The following TSHZ2 variants were observed in gnomAD, a reference collection of about 807,000 sequenced individuals.
The protein encoded by TSHZ2 is teashirt homolog 2.
In TSHZ2, 21 loss-of-function variants were observed where a neutral mutation model predicts 74.4. That is an observed-to-expected ratio of 0.28 (90% confidence interval 0.20 to 0.41). The LOEUF (loss-of-function observed/expected upper bound fraction) is 0.41. TSHZ2 is among the 10% of genes least tolerant of loss of function. The pLI is 1.00. For synonymous variants in TSHZ2, 540 were observed against 515.3 expected (o/e 1.05, Z -0.65); for missense variants, 1,244 against 1,293.5 (o/e 0.96, Z 0.59).
intron 1 of TSHZ2, among the ~76,000 whole-genome samples, chr20:53,119,511 G>C (rs1986754960): frequency 6.6e-6 from 1 of 152,192 alleles, no homozygotes; most frequent in Non-Finnish European, 1.5e-5. Flanking sequence ...ATGCTGCCCA[G>C]CATGGTAACG....
In TSHZ2 at chr20:53,371,284, A is replaced by G. The variant is rs1981460427; in HGVS notation, c.*8+114713A>G. Among the ~76,000 whole-genome samples, 4 of 152,080 alleles carry G rather than the reference A, an allele frequency of 2.6e-5. No homozygotes were observed. In the South Asian group the frequency reaches 8.3e-4, roughly 32 times the overall value. ...CTATTATAAATTATTCAGTATAGAG[A>G]CTCTGGCCTAGGAATCTGGGAACCA... On this transcript the variant is annotated intron_variant, in intron 2 of 2. Transcript: ENST00000371497.
chr20:53,429,496 GT>G (rs1328222158), intron 2 of TSHZ2, among the ~76,000 whole-genome samples: 4 of 152,220 alleles, frequency 2.6e-5, no homozygotes, highest in Non-Finnish European at 4.4e-5. Flanking sequence ...AAAAACGGGA[GT>G]TTCCCTGCAC....
At chr20:53,203,371 T>C (rs1989057120) in intron 1 of TSHZ2, among the ~76,000 whole-genome samples, 1 of 151,960 alleles carries the variant, frequency 6.6e-6, no homozygotes, top group Admixed American at 6.6e-5. Flanking sequence ...ATTTTTGTAT[T>C]TTTAGTAGAG....
At chr20:53,314,287 C>CAAAAAAAAAAAAAAAAAAAAAAAA (rs5841941) in intron 2 of TSHZ2, among the ~76,000 whole-genome samples, 4 of 131,708 alleles carry the variant, frequency 3.0e-5, no homozygotes, top group Non-Finnish European at 6.4e-5. Context: ...GACTCTGTCT[C>CAAAAAAAAAAAAAAAAAAAAAAAA]AAAAAAAAAA....
intron 1 of TSHZ2, among the ~76,000 whole-genome samples, chr20:53,157,288 G>A (rs1987818265): frequency 6.6e-6 from 1 of 151,890 alleles, no homozygotes; most frequent in African/African-American, 2.4e-5. Context: ...CCTTTTATCA[G>A]TGTCTCCAGT....
intron 1 of TSHZ2, among the ~76,000 whole-genome samples, chr20:53,014,931 A>T (rs1982981575): frequency 6.6e-6 from 1 of 151,936 alleles, no homozygotes; most frequent in South Asian, 2.1e-4. Context: ...ACTCCCAATA[A>T]CTTCCCAAAC....
chr20:53,299,496 TCTTTA>T (rs1326907886), intron 2 of TSHZ2, among the ~76,000 whole-genome samples: 1 of 152,258 alleles, frequency 6.6e-6, no homozygotes, highest in African/African-American at 2.4e-5. Flanking sequence ...ATAACTGCTC[TCTTTA>T]CTTATTTTGT....
chr20:53,269,841 G>A (rs954689341), intron 2 of TSHZ2, among the ~76,000 whole-genome samples: 4 of 151,530 alleles, frequency 2.6e-5, no homozygotes, highest in African/African-American at 9.7e-5. Context: ...TATTGACAGA[G>A]AACTAACATT....
intron 1 of TSHZ2, among the ~76,000 whole-genome samples, chr20:53,194,845 G>A (rs1271632786): frequency 1.3e-5 from 2 of 152,236 alleles, no homozygotes; most frequent in Non-Finnish European, 2.9e-5. Flanking sequence ...TGGATGTGAA[G>A]TGCTGAGTTT....
At chr20:53,251,811 C>T (rs1990337844) in intron 1 of TSHZ2, among the ~76,000 whole-genome samples, 1 of 152,222 alleles carries the variant, frequency 6.6e-6, no homozygotes, top group Admixed American at 6.5e-5. Context: ...TATTTAGTGA[C>T]ATTTCAATGA....
chr20:53,127,666 G>C (rs1292138885), intron 1 of TSHZ2, among the ~76,000 whole-genome samples: 1 of 152,178 alleles, frequency 6.6e-6, no homozygotes, highest in African/African-American at 2.4e-5. Context: ...GATTGACAGC[G>C]ACCCACATGT....
At chr20:53,190,122 TATA>T (rs1463311712) in intron 1 of TSHZ2, among the ~76,000 whole-genome samples, 2 of 94,674 alleles carry the variant, frequency 2.1e-5, no homozygotes, top group African/African-American at 8.1e-5. Flanking sequence ...TATATATATA[TATA>T]TATATATATA....
chr20:53,359,230 C>T (rs1277588932), intron 2 of TSHZ2, among the ~76,000 whole-genome samples: 5 of 152,130 alleles, frequency 3.3e-5, no homozygotes, highest in Non-Finnish European at 7.3e-5. Flanking sequence ...ACATCACAGA[C>T]CTTCATTCAT....
chr20:53,042,017 C>T, intron 1 of TSHZ2, among the ~76,000 whole-genome samples: 1 of 152,084 alleles, frequency 6.6e-6, no homozygotes, highest in East Asian at 1.9e-4. Flanking sequence ...AGGAAATAAG[C>T]CTCTCCTACA....
At chr20:53,228,226 G>A (rs1475940765) in intron 1 of TSHZ2, among the ~76,000 whole-genome samples, 1 of 151,914 alleles carries the variant, frequency 6.6e-6, no homozygotes, top group Non-Finnish European at 1.5e-5. Flanking sequence ...GCCTCTGGAA[G>A]TCGACCACAT....
chr20:53,253,527 A>G lies in TSHZ2; in HGVS notation c.69A>G (p.Glu23=). Residue 23 remains glutamate, a synonymous_variant, in exon 2 of 3, where the codon GAA becomes GAG. Coordinates refer to ENST00000371497, the MANE Select transcript of TSHZ2 (RefSeq NM_173485.6). Reference sequence around the variant, plus strand: ...ACGCCCAGGAGGAACAGCTGAAAGAAGAGGAGGAAATAAAAGAAGAGGAGG... The same window carrying G: ...ACGCCCAGGAGGAACAGCTGAAAGAGGAGGAGGAAATAAAAGAAGAGGAGG... ...AGYAQEEQLK[E]EEEIKEEEEE... is the part of the protein sequence containing the mutation. 6.2e-7 allele frequency: 1 copy of G among 1,612,446 alleles called. No homozygotes were observed. The highest frequency in any genetic ancestry group is 8.5e-7 in the Non-Finnish European group (1 of 1,179,090).
chr20:53,187,085 G>C (rs2123528762), intron 1 of TSHZ2, among the ~76,000 whole-genome samples: 1 of 152,046 alleles, frequency 6.6e-6, no homozygotes, highest in South Asian at 2.1e-4. Flanking sequence ...CCTTGGCCTG[G>C]GCCTTTTAGA....
intron 2 of TSHZ2, among the ~76,000 whole-genome samples, chr20:53,321,854 C>T (rs570912209): frequency 6.6e-6 from 1 of 151,918 alleles, no homozygotes; most frequent in East Asian, 1.9e-4. Flanking sequence ...GATGCCTGAT[C>T]TCATGTGGTC....
chr20:53,007,593 AAAG>A (rs1404822666), intron 1 of TSHZ2, among the ~76,000 whole-genome samples: 2 of 152,048 alleles, frequency 1.3e-5, no homozygotes, highest in African/African-American at 4.8e-5. Context: ...GTCATCCAAG[AAAG>A]AAATGTGTGT....
Sources: gnomAD v4.1 joint callset for allele counts (sites outside exome capture counted in the v4.1 genomes callset) on GRCh38, gnomAD v4.1.1 for gene constraint, MANE v1.5 for transcripts, NCBI Gene and HGNC (gene_info 2026-07-23, HGNC 2026-07-21) for gene names.